The following DNER variants were observed in gnomAD, a reference collection of about 807,000 sequenced individuals.
DNER encodes delta/notch like EGF repeat containing, also known as delta and Notch-like epidermal growth factor-related receptor.
A neutral mutation model predicts 78.2 loss-of-function variants in DNER; 33 were observed. That is an observed-to-expected ratio of 0.42 (90% CI 0.32 to 0.56). DNER has a LOEUF of 0.56. Ranked by LOEUF, DNER falls within the 20% of genes least tolerant of loss-of-function variation. DNER has a pLI of 0.11. For synonymous variants in DNER, 417 were observed against 384.8 expected (o/e 1.08, Z -0.98); for missense variants, 918 against 975.3 (o/e 0.94, Z 0.78).
rs746819826 is a variant in DNER, at chr2:229,547,076, A to C, written c.864T>G (p.Ser288=). 2.5e-6 allele frequency: 4 copies of C among 1,614,114 alleles called. No homozygotes were observed. The Admixed American group carries it at 6.7e-5, about 27-fold the overall frequency. The change falls in exon 5 of 13, where the codon TCT becomes TCG. Residue 288 remains serine, a synonymous_variant. Coordinates refer to ENST00000341772, the MANE Select transcript of DNER (RefSeq NM_139072.4). Reference sequence around the variant, plus strand: ...GCAAAGCCACAATAGACTTAGTCACAGAATCATTCACAAAACCTAAAAGAA... The same window carrying C: ...GCAAAGCCACAATAGACTTAGTCACCGAATCATTCACAAAACCTAAAAGAA... ...NNHFIGFVND[S]VTKSIVALRL...
intron 9 of DNER, among the ~76,000 whole-genome samples, chr2:229,412,012 A>C (rs183819671): frequency 0.013 from 1,933 of 152,278 alleles, 13 homozygotes; most frequent in Admixed American, 0.019. Flanking sequence ...AAAATTAAAA[A>C]TCGAATTTTT....
chr2:229,706,685 A>C (rs1387159883), intron 1 of DNER, among the ~76,000 whole-genome samples: 8 of 152,216 alleles, frequency 5.3e-5, no homozygotes, highest in Admixed American at 5.2e-4. Flanking sequence ...GGCTGTGCTC[A>C]AAACAACCTT....
At chr2:229,581,007 G>T (rs1324384771) in intron 4 of DNER, among the ~76,000 whole-genome samples, 1 of 152,174 alleles carries the variant, frequency 6.6e-6, no homozygotes, top group Non-Finnish European at 1.5e-5. Flanking sequence ...ACCCCCAGTG[G>T]GGATGGGGCC....
chr2:229,681,769 T>C (rs1400546702), intron 1 of DNER, among the ~76,000 whole-genome samples: 2 of 151,208 alleles, frequency 1.3e-5, no homozygotes. Flanking sequence ...CCCCAAAATC[T>C]CATTCAAATT....
At chr2:229,523,082 G>A (rs989569156) in intron 5 of DNER, among the ~76,000 whole-genome samples, 1 of 152,206 alleles carries the variant, frequency 6.6e-6, no homozygotes, top group Admixed American at 6.5e-5. Flanking sequence ...CCTGAGAAAG[G>A]TGATGAGGGG....
At chr2:229,383,041 C>G (rs972569036) in intron 11 of DNER, among the ~76,000 whole-genome samples, 2 of 152,080 alleles carry the variant, frequency 1.3e-5, no homozygotes, top group Admixed American at 1.3e-4. Context: ...AAAAGGAAGC[C>G]CATCAGACTA....
At chr2:229,360,297 G>A (rs2106323459) in intron 12 of DNER, among the ~76,000 whole-genome samples, 1 of 152,304 alleles carries the variant, frequency 6.6e-6, no homozygotes, top group East Asian at 1.9e-4. Context: ...ATCTAACATA[G>A]TAGGATATAG....
At chr2:229,611,648 C>A (rs1362963294) in intron 1 of DNER, among the ~76,000 whole-genome samples, 2 of 152,128 alleles carry the variant, frequency 1.3e-5, no homozygotes, top group South Asian at 2.1e-4. Flanking sequence ...TCTGAAAGAT[C>A]CCCCAACCAC....
intron 4 of DNER, among the ~76,000 whole-genome samples, chr2:229,582,155 A>G (rs1697409598): frequency 1.3e-5 from 2 of 152,254 alleles, no homozygotes; most frequent in African/African-American, 4.8e-5. Context: ...TCTGAGCTAA[A>G]ACGTATTTGT....
chr2:229,572,131 T>C (rs969799967), intron 4 of DNER, among the ~76,000 whole-genome samples: 2 of 152,146 alleles, frequency 1.3e-5, no homozygotes, highest in African/African-American at 4.8e-5. Context: ...AACAGAGCAT[T>C]CTCCCTCCCG....
chr2:229,544,419 T>C (rs940854420), intron 5 of DNER, among the ~76,000 whole-genome samples: 6 of 152,182 alleles, frequency 3.9e-5, no homozygotes, highest in African/African-American at 1.4e-4. Context: ...GCAGAAATGA[T>C]TACTTTCACT....
At chr2:229,429,752 T>G (rs758273018) in intron 8 of DNER, among the ~76,000 whole-genome samples, 46 of 152,224 alleles carry the variant, frequency 3.0e-4, no homozygotes, top group Non-Finnish European at 6.2e-4. Flanking sequence ...AGCCCAGATT[T>G]CACCACCCAG....
intron 1 of DNER, among the ~76,000 whole-genome samples, chr2:229,698,404 A>G (rs1414458544): frequency 6.6e-6 from 1 of 152,186 alleles, no homozygotes; most frequent in East Asian, 1.9e-4. Flanking sequence ...ACTACCGGGA[A>G]AGATCTATGT....
chr2:229,415,404 G>A (rs979636299), intron 9 of DNER, among the ~76,000 whole-genome samples: 7 of 152,196 alleles, frequency 4.6e-5, no homozygotes, highest in African/African-American at 1.4e-4. Context: ...AATTGACTAA[G>A]CCACACCTGG....
chr2:229,491,748 C>G (rs114683855), intron 6 of DNER, among the ~76,000 whole-genome samples: 1 of 152,088 alleles, frequency 6.6e-6, no homozygotes, highest in Non-Finnish European at 1.5e-5. Context: ...TCCTTCACTC[C>G]ACATCTACTT....
chr2:229,477,663 C>T (rs920388218), intron 6 of DNER, among the ~76,000 whole-genome samples: 5 of 152,136 alleles, frequency 3.3e-5, no homozygotes, highest in African/African-American at 1.2e-4. Flanking sequence ...ACAACACCTA[C>T]ATAAAAAGCA....
chr2:229,557,621 T>C (rs747856278), intron 4 of DNER, among the ~76,000 whole-genome samples: 5 of 149,660 alleles, frequency 3.3e-5, no homozygotes, highest in Non-Finnish European at 5.9e-5. Context: ...AAAGGAGAGA[T>C]TTATAAAAGA....
intron 10 of DNER, among the ~76,000 whole-genome samples, chr2:229,391,421 AC>A (rs1191732309): frequency 6.6e-6 from 1 of 152,126 alleles, no homozygotes; most frequent in African/African-American, 2.4e-5. Context: ...TTCAAAAAAA[AC>A]AATTATTCTT....
At chr2:229,427,562 G>C (rs1693905485) in intron 8 of DNER, among the ~76,000 whole-genome samples, 1 of 152,110 alleles carries the variant, frequency 6.6e-6, no homozygotes, top group Non-Finnish European at 1.5e-5. Context: ...TGTTCCAGGA[G>C]GGAGGAGAGG....
Sources: gnomAD v4.1 joint callset for allele counts (sites outside exome capture counted in the v4.1 genomes callset) on GRCh38, gnomAD v4.1.1 for gene constraint, MANE v1.5 for transcripts, NCBI Gene and HGNC (gene_info 2026-07-23, HGNC 2026-07-21) for gene names.